The following VEZT variants were observed in gnomAD, a reference collection of about 807,000 sequenced individuals.
VEZT encodes the protein vezatin, adherens junctions transmembrane protein, also known as vezatin.
VEZT carries 39 observed loss-of-function variants against 79.9 expected under a neutral mutation model. The observed-to-expected ratio is 0.49, with a 90% CI of 0.38 to 0.64. The LOEUF (loss-of-function observed/expected upper bound fraction) is 0.64, where lower values mean the gene tolerates loss of function less well. VEZT is among the 30% of genes least tolerant of loss of function. The pLI is 0.00. For missense variants in VEZT, 837 were observed against 893.1 expected (o/e 0.94, Z 0.80); for synonymous variants, 325 against 327.6 (o/e 0.99, Z 0.09).
intron 1 of VEZT, among the ~76,000 whole-genome samples, chr12:95,222,321 G>A (rs2057737825): frequency 6.6e-6 from 1 of 152,140 alleles, no homozygotes; most frequent in African/African-American, 2.4e-5. Context: ...ACTGATTTTT[G>A]TATGGTAACA....
chr12:95,255,986 G>A (rs12368359), intron 2 of VEZT, among the ~76,000 whole-genome samples: 16,593 of 151,762 alleles, frequency 0.11, 1,001 homozygotes, highest in East Asian at 0.25. Context: ...CCTGGAGTGC[G>A]CCACCATCCC....
At chr12:95,266,090 C>A (rs551298164) in intron 4 of VEZT, among the ~76,000 whole-genome samples, 1 of 152,256 alleles carries the variant, frequency 6.6e-6, no homozygotes, top group African/African-American at 2.4e-5. Context: ...TCAGCTTTAC[C>A]TGATTCCAGA....
intron 1 of VEZT, among the ~76,000 whole-genome samples, chr12:95,222,293 A>G (rs2057735207): frequency 2.0e-5 from 3 of 152,208 alleles, no homozygotes; most frequent in African/African-American, 7.2e-5. Context: ...TCCCATTTAG[A>G]TCTGTCATCC....
In VEZT at chr12:95,301,796, G is replaced by A. The variant is rs1161436824; in HGVS notation, c.*1123G>A. 1.3e-5 allele frequency: 2 copies of A among 152,164 alleles called. No homozygotes were observed. Among genetic ancestry groups the A allele is most frequent in the African/African-American group, 4.8e-5 (2 of 41,436 alleles). The allele number at this position is 152,164 out of a possible 1,614,324, so 9.4% of individuals were successfully genotyped here. ...GAAAGGAAATTGCATGATGAATCTA[G>A]ATTGTCTTTAGAGTAAAGAAACACA... On this transcript the variant is annotated 3_prime_UTR_variant, in exon 12 of 12. Transcript: ENST00000436874.
In VEZT at chr12:95,285,982, C is replaced by CTTTT. The variant is rs869030351; in HGVS notation, c.1329-1659_1329-1656dup. On this transcript the variant is annotated intron_variant, in intron 8 of 11. Coordinates refer to ENST00000436874, the MANE Select transcript of VEZT (RefSeq NM_017599.4). Reference sequence around the variant, plus strand: ...ACCAAGACGCTCCCCCCGACCCCTTCTTTTTTTTTTTTTTTTTTTTTTTTT... The same window carrying CTTTT: ...ACCAAGACGCTCCCCCCGACCCCTTCTTTTTTTTTTTTTTTTTTTTTTTTTTTTT... Among the ~76,000 whole-genome samples the CTTTT allele has an allele frequency of 5.2e-4, 45 of 85,854 alleles. 3 individuals are homozygous for CTTTT. The highest frequency in any genetic ancestry group is 8.3e-4 in the East Asian group (2 of 2,400). The allele number at this position is 85,854 out of a possible 152,430, so 56.3% of individuals were successfully genotyped here.
chr12:95,252,263 T>G, intron 2 of VEZT, 192 bp downstream of exon 2: 1 of 462,918 alleles, frequency 2.2e-6, no homozygotes, highest in East Asian at 3.7e-5. Flanking sequence ...GTAATTTATA[T>G]CCAGTGAGGA....
intron 8 of VEZT, among the ~76,000 whole-genome samples, chr12:95,285,138 A>G (rs1200300908): frequency 6.7e-6 from 1 of 148,510 alleles, no homozygotes; most frequent in Non-Finnish European, 1.5e-5. Flanking sequence ...TTACTTTTGT[A>G]TCAACCTAAT....
intron 8 of VEZT, among the ~76,000 whole-genome samples, chr12:95,285,178 T>A: frequency 6.6e-6 from 1 of 151,504 alleles, no homozygotes; most frequent in East Asian, 1.9e-4. Context: ...GCGCAATGGC[T>A]AACACCTGTA....
At chr12:95,229,688 GT>G (rs1263702868) in intron 1 of VEZT, among the ~76,000 whole-genome samples, 5 of 152,022 alleles carry the variant, frequency 3.3e-5, no homozygotes, top group African/African-American at 7.3e-5. Flanking sequence ...GTTTTCCCTG[GT>G]TCTGTACCAG....
intron 9 of VEZT, among the ~76,000 whole-genome samples, chr12:95,291,464 G>C (rs1291091047): frequency 6.6e-6 from 1 of 152,192 alleles, no homozygotes; most frequent in Admixed American, 6.5e-5. Context: ...ATTGCTCTGG[G>C]ATAAAGGTCT....
intron 7 of VEZT, among the ~76,000 whole-genome samples, chr12:95,281,188 G>A (rs1263750905): frequency 6.6e-6 from 1 of 152,086 alleles, no homozygotes; most frequent in African/African-American, 2.4e-5. Flanking sequence ...GACTATATCT[G>A]GAGAAATATT....
intron 8 of VEZT, among the ~76,000 whole-genome samples, chr12:95,286,097 A>G (rs1594066216): frequency 4.1e-5 from 6 of 145,520 alleles, no homozygotes; most frequent in Admixed American, 3.6e-4. Context: ...CATTCAAGCG[A>G]TTCTCCTACC....
intron 7 of VEZT, among the ~76,000 whole-genome samples, chr12:95,277,910 A>G (rs1204671726): frequency 6.6e-6 from 1 of 152,256 alleles, no homozygotes; most frequent in Non-Finnish European, 1.5e-5. Flanking sequence ...TAACTCATCA[A>G]GATGCCTTGG....
chr12:95,224,328 T>C (rs1322632802), intron 1 of VEZT: 1 of 452,924 alleles, frequency 2.2e-6, no homozygotes, highest in Non-Finnish European at 4.4e-6. Flanking sequence ...CTTTTTTTTT[T>C]TTTTTGACAG....
intron 8 of VEZT, among the ~76,000 whole-genome samples, 181 bp downstream of exon 8, chr12:95,282,825 C>T (rs2069540402): frequency 6.6e-6 from 1 of 151,588 alleles, no homozygotes; most frequent in Non-Finnish European, 1.5e-5. Context: ...AGTACTATAA[C>T]TTGAGGGAGT....
chr12:95,300,570 C>CT lies in VEZT; in HGVS notation c.2238dup (p.Ala747CysfsTer2). ...ACTGCTGGCCTTGCTGCAGAAGTGGCTGCTAGATCTCTCTCCTTTACCACC... is the reference window on the plus strand; with the variant it reads ...ACTGCTGGCCTTGCTGCAGAAGTGGCTTGCTAGATCTCTCTCCTTTACCACC... On this transcript the variant is annotated frameshift_variant, in exon 12 of 12. Transcript: ENST00000436874. LOFTEE classifies it high-confidence loss of function. 1 of 1,613,902 alleles carries CT rather than the reference C, an allele frequency of 6.2e-7. No individual in the cohort carries two copies. The highest frequency in any genetic ancestry group is 8.5e-7 in the Non-Finnish European group (1 of 1,179,888).
At chr12:95,293,395 C>T (rs2073431418) in intron 9 of VEZT, among the ~76,000 whole-genome samples, 1 of 149,794 alleles carries the variant, frequency 6.7e-6, no homozygotes, top group Non-Finnish European at 1.5e-5. Flanking sequence ...AAGTTTAAAC[C>T]ATACTTCTTT....
rs1338429493 is a variant in VEZT, at chr12:95,274,859, TACAG to T, written c.968_971del (p.Thr323MetfsTer8). The T allele has an allele frequency of 1.9e-6, 3 of 1,613,738 alleles. No individual in the cohort carries two copies. Among genetic ancestry groups the T allele is most frequent in the Non-Finnish European group, 2.5e-6 (3 of 1,179,770 alleles). On this transcript the variant is annotated frameshift_variant, in exon 7 of 12. Coordinates refer to ENST00000436874, the MANE Select transcript of VEZT (RefSeq NM_017599.4). LOFTEE classifies it high-confidence loss of function. ...TTTCAGAAGAGGAAGCACATAACTT[TACAG>T]ATGGCTTCAGCCTGCCTGCATTGAA...
At position 95,252,702 on chromosome 12, in the gene VEZT, C is replaced by T. The variant is rs189613215; in HGVS notation, c.168+631C>T. 2.5e-3 allele frequency among the ~76,000 whole-genome samples: 375 copies of T among 152,302 alleles called. 1 individual carries two copies. Among genetic ancestry groups the T allele is most frequent in the Non-Finnish European group, 3.8e-3 (258 of 68,022 alleles). ...TTTATGGGCCAGGCGCGGTGGCTCA[C>T]GCCTGTAATCCCAGCACTTTGGGAG... On this transcript the variant is annotated intron_variant, in intron 2 of 11. Transcript: ENST00000436874.
Sources: allele counts gnomAD v4.1 joint callset (sites outside exome capture counted in the v4.1 genomes callset), GRCh38; gene constraint gnomAD v4.1.1; transcripts MANE v1.5; gene names NCBI Gene and HGNC (gene_info 2026-07-23, HGNC 2026-07-21).